Variants in ZNF280C observed in about 807,000 individuals in gnomAD.
The protein encoded by ZNF280C is zinc finger protein 280C.
ZNF280C carries 14 observed loss-of-function variants against 53.6 expected under a neutral mutation model. The ratio of observed to expected loss-of-function variants is 0.26; its 90% CI spans 0.17 to 0.41. The LOEUF (loss-of-function observed/expected upper bound fraction) is 0.41. ZNF280C is among the 10% of genes least tolerant of loss of function. The pLI is 1.00. For synonymous variants in ZNF280C, 203 were observed against 181.1 expected (o/e 1.12, Z -0.97); for missense variants, 416 against 547.1 (o/e 0.76, Z 2.39).
chrX:130,257,276 A>G (rs2032585548), intron 2 of ZNF280C, among the ~76,000 whole-genome samples: 1 of 110,301 alleles, frequency 9.1e-6, no homozygotes, highest in Non-Finnish European at 1.9e-5. Flanking sequence ...GACTTATAAA[A>G]TGAAAATTTT....
chrX:130,231,825 G>A (rs2032279262), intron 8 of ZNF280C, among the ~76,000 whole-genome samples: 1 of 110,599 alleles, frequency 9.0e-6, no homozygotes, highest in Non-Finnish European at 1.9e-5. Flanking sequence ...AGGAGTTCGA[G>A]ACCAGCCTGG....
At chrX:130,236,763 T>A in intron 6 of ZNF280C, 124 bp from the exon 7 acceptor site, 1 of 395,400 alleles carries the variant, frequency 2.5e-6, no homozygotes, top group Non-Finnish European at 4.2e-6. Flanking sequence ...TGGAACTAAG[T>A]TAAAGGTAAT....
At chrX:130,218,245 T>C (rs1190675912) in intron 13 of ZNF280C, among the ~76,000 whole-genome samples, 1 of 111,361 alleles carries the variant, frequency 9.0e-6, no homozygotes, top group Non-Finnish European at 1.9e-5. Flanking sequence ...AGGTCTGAAA[T>C]AATAACTCTG....
At chrX:130,228,254 T>C (rs913042100) in intron 10 of ZNF280C, among the ~76,000 whole-genome samples, 8 of 112,438 alleles carry the variant, frequency 7.1e-5, no homozygotes, top group South Asian at 3.6e-4. Flanking sequence ...CACTAATGAA[T>C]TGTTTATAAG....
At chrX:130,241,078 C>G (rs2032385145) in intron 5 of ZNF280C, among the ~76,000 whole-genome samples, 1 of 111,362 alleles carries the variant, frequency 9.0e-6, no homozygotes, top group Admixed American at 9.6e-5. Flanking sequence ...GATGAAGGAG[C>G]TGGAATCAGA....
intron 12 of ZNF280C, among the ~76,000 whole-genome samples, chrX:130,225,562 CAAGTT>C (rs1453676641): frequency 1.8e-5 from 2 of 108,283 alleles, no homozygotes; most frequent in Non-Finnish European, 3.8e-5. Context: ...TTACCAGGAA[CAAGTT>C]AAGAGGGGAA....
chrX:130,249,089 G>A (rs772999030), intron 2 of ZNF280C, among the ~76,000 whole-genome samples: 1 of 111,384 alleles, frequency 9.0e-6, no homozygotes, highest in African/African-American at 3.3e-5. Context: ...ACAGAGAACA[G>A]TGGACCCTCC....
At chrX:130,249,197 C>T (rs1375751277) in intron 2 of ZNF280C, among the ~76,000 whole-genome samples, 1 of 111,903 alleles carries the variant, frequency 8.9e-6, no homozygotes, top group Non-Finnish European at 1.9e-5. Context: ...AATGCCACCA[C>T]CAGCATGACC....
chrX:130,266,624 G>A (rs2032691013), intron 1 of ZNF280C, among the ~76,000 whole-genome samples: 2 of 108,081 alleles, frequency 1.9e-5, no homozygotes, highest in Non-Finnish European at 3.8e-5. Context: ...CCAATAAAAA[G>A]TTAAAAAGGA....
chrX:130,212,904 G>A (rs1420764960), intron 15 of ZNF280C, among the ~76,000 whole-genome samples: 2 of 111,741 alleles, frequency 1.8e-5, no homozygotes, highest in Non-Finnish European at 3.8e-5. Flanking sequence ...GGACATGTCT[G>A]TTTTTTGAGA....
chrX:130,254,616 A>G (rs2032546220), intron 2 of ZNF280C, among the ~76,000 whole-genome samples: 1 of 111,912 alleles, frequency 8.9e-6, no homozygotes, highest in Middle Eastern at 4.2e-3. Context: ...AGGAACATGG[A>G]TGGAGCTGGA....
intron 11 of ZNF280C, 87 bp downstream of exon 11, chrX:130,227,595 G>A: frequency 1.4e-6 from 1 of 705,861 alleles, no homozygotes; most frequent in East Asian, 3.3e-5. Flanking sequence ...TTATTTAAAT[G>A]GCTTTAAAAA....
chrX:130,215,719 G>C (rs2032093593), intron 14 of ZNF280C, 72 bp downstream of exon 14: 3 of 967,958 alleles, frequency 3.1e-6, no homozygotes, highest in Non-Finnish European at 4.2e-6. Flanking sequence ...ATGTGTAAGA[G>C]GGTTTTATGA....
At chrX:130,216,507 C>T (rs192669447) in intron 13 of ZNF280C, among the ~76,000 whole-genome samples, 1 of 111,932 alleles carries the variant, frequency 8.9e-6, no homozygotes, top group East Asian at 2.8e-4. Context: ...GATATACAAA[C>T]GGCCAATAAG....
At chrX:130,229,601 T>C (rs1231271596) in intron 9 of ZNF280C, among the ~76,000 whole-genome samples, 1 of 112,511 alleles carries the variant, frequency 8.9e-6, no homozygotes, top group African/African-American at 3.2e-5. Flanking sequence ...ATATTTTTAT[T>C]TGTGTCTTGG....
chrX:130,222,529 T>A (rs894959264), intron 12 of ZNF280C, among the ~76,000 whole-genome samples: 6 of 112,114 alleles, frequency 5.4e-5, no homozygotes, highest in Non-Finnish European at 3.8e-5. Context: ...GTGTCTGCCA[T>A]TTCATTCAAT....
intron 13 of ZNF280C, among the ~76,000 whole-genome samples, chrX:130,218,008 T>C (rs1441460133): frequency 9.0e-6 from 1 of 110,854 alleles, no homozygotes. Flanking sequence ...AAAAATGCAA[T>C]AAAATTAGCT....
rs2032097007 is a variant in ZNF280C at position 130,215,911 on chromosome X, C to T, written c.1718G>A (p.Ser573Asn). The stretch of plus-strand genomic sequence containing the variant: ...CCTTGGCTTACTTGTATTAACTTTA[C>T]TTGCAGTGGATGTAGTTGCATGAAG... ...SKLHATTSTA[S>N]KVNTSKPRGR... is the part of the protein sequence containing the mutation. Residue 573 changes from serine (S) to asparagine (N), a missense_variant, in exon 14 of 19, where the codon AGT (serine) becomes AAT (asparagine). Physicochemically the swap from Ser to Asn is conservative, Grantham distance 46 (BLOSUM62 1). Around this residue, in one of 3 missense-constraint regions of ZNF280C, gnomAD observed 151 missense variants for 176.9 expected, o/e 0.85. Transcript: ENST00000370978. The T allele has an allele frequency of 8.3e-7, 1 of 1,203,743 alleles. No individual in the cohort carries two copies. Among genetic ancestry groups the T allele is most frequent in the Non-Finnish European group, 1.1e-6 (1 of 892,235 alleles).
chrX:130,236,931 A>C (rs917078538), intron 6 of ZNF280C, among the ~76,000 whole-genome samples: 4 of 111,526 alleles, frequency 3.6e-5, no homozygotes, highest in African/African-American at 1.3e-4. Context: ...TTTCAAATAA[A>C]GAAAACAAAC....
Sources: allele counts gnomAD v4.1 joint callset (sites outside exome capture counted in the v4.1 genomes callset), GRCh38; gene constraint gnomAD v4.1.1; regional missense constraint gnomAD v4.1.1; transcripts MANE v1.5; gene names NCBI Gene and HGNC (gene_info 2026-07-23, HGNC 2026-07-21).